ERN1: variants seen among roughly 807,000 people sequenced by gnomAD.
The protein encoded by ERN1 is endoplasmic reticulum to nucleus signaling 1.
ERN1 carries 39 observed loss-of-function variants against 113.1 expected under a neutral mutation model. The observed-to-expected ratio is 0.34, with a 90% CI of 0.27 to 0.45. The LOEUF (loss-of-function observed/expected upper bound fraction) is 0.45, where lower values mean the gene tolerates loss of function less well. ERN1 is among the 20% of genes least tolerant of loss of function. ERN1 has a pLI of 1.00. For missense variants in ERN1, 976 were observed against 1,274.8 expected (o/e 0.77, Z 3.57); for synonymous variants, 507 against 515.9 (o/e 0.98, Z 0.23).
intron 8 of ERN1, among the ~76,000 whole-genome samples, chr17:64,066,168 T>G (rs1042780385): frequency 2.0e-5 from 3 of 152,146 alleles, no homozygotes; most frequent in African/African-American, 7.2e-5. Context: ...TGTAACTATT[T>G]TTTCTGATTT....
intron 1 of ERN1, among the ~76,000 whole-genome samples, chr17:64,106,109 G>A (rs1914519880): frequency 6.6e-6 from 1 of 152,252 alleles, no homozygotes. Flanking sequence ...GCCTTTTGCA[G>A]TGCAGGGTTC....
chr17:64,068,940 T>C (rs1471327485), intron 6 of ERN1, among the ~76,000 whole-genome samples: 2 of 152,180 alleles, frequency 1.3e-5, no homozygotes, highest in Admixed American at 6.5e-5. Flanking sequence ...GTCTATGATA[T>C]ATTGTGAGAC....
intron 1 of ERN1, among the ~76,000 whole-genome samples, chr17:64,101,396 C>T (rs919278230): frequency 6.6e-6 from 1 of 151,602 alleles, no homozygotes; most frequent in South Asian, 2.1e-4. Flanking sequence ...GGGGATAGAG[C>T]GAGGCTCTGT....
At chr17:64,114,586 G>A (rs974716839) in intron 1 of ERN1, among the ~76,000 whole-genome samples, 1 of 152,184 alleles carries the variant, frequency 6.6e-6, no homozygotes, top group African/African-American at 2.4e-5. Context: ...TGAGGTTGGG[G>A]GAGAAGTCCC....
intron 6 of ERN1, among the ~76,000 whole-genome samples, chr17:64,070,995 G>A (rs1186552261): frequency 6.6e-6 from 1 of 152,180 alleles, no homozygotes; most frequent in Admixed American, 6.5e-5. Context: ...TACCCTCAGG[G>A]AACTGATATT....
intron 10 of ERN1, 59 bp from the exon 11 acceptor site, chr17:64,060,646 A>T: frequency 1.6e-6 from 2 of 1,280,076 alleles, no homozygotes; most frequent in Non-Finnish European, 2.3e-6. Context: ...GTGGCACTCA[A>T]TGCTAAACTT....
At chr17:64,061,840 G>T (rs991969836) in intron 10 of ERN1, among the ~76,000 whole-genome samples, 2 of 152,228 alleles carry the variant, frequency 1.3e-5, no homozygotes, top group African/African-American at 4.8e-5. Flanking sequence ...GCCACGCTGT[G>T]CAGCAGTGTC....
intron 2 of ERN1, among the ~76,000 whole-genome samples, chr17:64,094,538 A>C (rs1914176899): frequency 6.6e-6 from 1 of 151,490 alleles, no homozygotes; most frequent in Non-Finnish European, 1.5e-5. Context: ...GCCCTGTATG[A>C]CTGGCCCATC....
At chr17:64,052,656 G>A in intron 17 of ERN1, 124 bp downstream of exon 17, 1 of 804,386 alleles carries the variant, frequency 1.2e-6, no homozygotes, top group Non-Finnish European at 1.9e-6. Flanking sequence ...AGCTCTTGGT[G>A]AAAGGAATGC....
intron 1 of ERN1, among the ~76,000 whole-genome samples, chr17:64,105,208 A>C (rs1285219560): frequency 6.6e-6 from 1 of 152,114 alleles, no homozygotes; most frequent in Non-Finnish European, 1.5e-5. Flanking sequence ...CTTGAGGCTC[A>C]AGCAATCCTC....
At chr17:64,096,412 GC>G (rs1400661558) in intron 2 of ERN1, among the ~76,000 whole-genome samples, 5 of 152,226 alleles carry the variant, frequency 3.3e-5, no homozygotes, top group Non-Finnish European at 5.9e-5. Flanking sequence ...CTGTCTAGTT[GC>G]AGGAAAAGAA....
At chr17:64,071,718 G>A (rs374210800) in intron 6 of ERN1, among the ~76,000 whole-genome samples, 3 of 152,130 alleles carry the variant, frequency 2.0e-5, no homozygotes, top group Non-Finnish European at 4.4e-5. Flanking sequence ...CACCACGCCC[G>A]GCCAGGCAAC....
chr17:64,064,691 G>A (rs1450500164), intron 9 of ERN1, among the ~76,000 whole-genome samples: 1 of 152,212 alleles, frequency 6.6e-6, no homozygotes, highest in Non-Finnish European at 1.5e-5. Flanking sequence ...GAGACAGAAT[G>A]CTTGAGGCAG....
chr17:64,107,490 T>A (rs527790030), intron 1 of ERN1, among the ~76,000 whole-genome samples: 1 of 152,118 alleles, frequency 6.6e-6, no homozygotes, highest in Non-Finnish European at 1.5e-5. Context: ...CCTGGCTTTT[T>A]ATTTCATTTT....
intron 1 of ERN1, among the ~76,000 whole-genome samples, chr17:64,115,992 T>C (rs191085469): frequency 6.6e-6 from 1 of 152,358 alleles, no homozygotes; most frequent in East Asian, 1.9e-4. Context: ...CTAATGCCTT[T>C]GAACATAGTC....
intron 3 of ERN1, 80 bp from the exon 4 acceptor site, chr17:64,079,814 G>A (rs925648068): frequency 5.1e-5 from 57 of 1,109,928 alleles, no homozygotes; most frequent in Admixed American, 9.9e-5. Context: ...GCAAACCCAT[G>A]ATGGAGGAAT....
intron 1 of ERN1, among the ~76,000 whole-genome samples, chr17:64,100,898 T>C (rs1368722720): frequency 6.6e-6 from 1 of 152,190 alleles, no homozygotes; most frequent in East Asian, 1.9e-4. Flanking sequence ...GAAAGCAGCC[T>C]GAGAAGAAAC....
intron 1 of ERN1, among the ~76,000 whole-genome samples, chr17:64,117,043 C>T (rs1193808296): frequency 3.3e-5 from 5 of 151,596 alleles, no homozygotes; most frequent in Non-Finnish European, 5.9e-5. Flanking sequence ...ACCCGGGAGG[C>T]GGAGCTTGCA....
chr17:64,052,867 T>C lies in ERN1; in HGVS notation c.2166A>G (p.Arg722=). The C allele has an allele frequency of 6.2e-7, 1 of 1,614,036 alleles. No homozygotes were observed. The highest frequency in any genetic ancestry group is 1.1e-5 in the South Asian group (1 of 91,092). The change falls in exon 17 of 22, where the codon AGA becomes AGG. Residue 722 remains arginine (R), a synonymous_variant. Transcript: ENST00000433197. ...FGLCKKLAVG[R]HSFSRRSGVP... is the part of the protein sequence containing the mutation. The stretch of plus-strand genomic sequence containing the variant: ...CCCCAGATCGGCGGCTGAAACTGTG[T>C]CTGCCCACTGCCAGCTTCTTGCAGA...
Sources: gnomAD v4.1 joint callset for allele counts (sites outside exome capture counted in the v4.1 genomes callset) on GRCh38, gnomAD v4.1.1 for gene constraint, MANE v1.5 for transcripts, NCBI Gene and HGNC (gene_info 2026-07-23, HGNC 2026-07-21) for gene names.